Variants in PLPP3 observed in about 807,000 individuals in gnomAD.
The protein encoded by PLPP3 is phospholipid phosphatase 3.
PLPP3 carries 6 observed loss-of-function variants against 29.6 expected under a neutral mutation model. That is an observed-to-expected ratio of 0.20 (90% CI 0.11 to 0.40). The LOEUF is 0.40. Among genes scored for constraint, PLPP3 ranks in the 10% least tolerant of loss-of-function variants. The pLI is 1.00. For synonymous variants in PLPP3, 152 were observed against 159.7 expected (o/e 0.95, Z 0.36); for missense variants, 308 against 407.7 (o/e 0.76, Z 2.11).
At chr1:56,566,282 G>A (rs767334568) in intron 1 of PLPP3, among the ~76,000 whole-genome samples, 4 of 152,294 alleles carry the variant, frequency 2.6e-5, no homozygotes, top group Admixed American at 6.5e-5. Context: ...TCAGAAACAC[G>A]TGGAGAATAT....
chr1:56,578,807 C>A lies in PLPP3; in HGVS notation c.139+71G>T, dbSNP rs1039643782. 7 of 1,384,894 alleles carry A rather than the reference C, an allele frequency of 5.1e-6. No individual in the cohort carries two copies. In the African/African-American group the frequency reaches 1.1e-4, roughly 21 times the overall value. The allele number at this position is 1,384,894 out of a possible 1,614,324, so 85.8% of individuals were successfully genotyped here. A position where few individuals can be genotyped will look rare whatever the true frequency, so the allele number is the denominator to read the frequency against. ...CGGCGCGGCGCGGCGCTGCGCGGCC[C>A]CGGACTGGGCTGGGACGCGCGCCGA... On this transcript the variant is annotated intron_variant, in intron 1 of 5. Transcript: ENST00000371250.
chr1:56,571,489 C>T (rs1646198246), intron 1 of PLPP3, among the ~76,000 whole-genome samples: 1 of 152,156 alleles, frequency 6.6e-6, no homozygotes, highest in South Asian at 2.1e-4. Context: ...CTCAAAAAGG[C>T]CTATTTTTCT....
At chr1:56,502,738 C>T (rs1258267964) in intron 5 of PLPP3, among the ~76,000 whole-genome samples, 1 of 152,184 alleles carries the variant, frequency 6.6e-6, no homozygotes, top group Non-Finnish European at 1.5e-5. Flanking sequence ...GGCTTTGATA[C>T]GTGACGCTTT....
At chr1:56,563,271 C>T (rs947188299) in intron 1 of PLPP3, among the ~76,000 whole-genome samples, 1 of 152,192 alleles carries the variant, frequency 6.6e-6, no homozygotes, top group Non-Finnish European at 1.5e-5. Context: ...TATACACTTG[C>T]TTTCATGCTA....
At position 56,495,214 on chromosome 1, in the gene PLPP3, G is replaced by C. The variant is rs559380579; in HGVS notation, c.*1337C>G. The stretch of plus-strand genomic sequence containing the variant: ...CGGATTCTGTAGTAAGGATGTGCAT[G>C]TGGTTGATCCATATGGTTACATTTA... On this transcript the variant is annotated 3_prime_UTR_variant, in exon 6 of 6. Transcript: ENST00000371250. The C allele has an allele frequency of 6.5e-6, 1 of 152,700 alleles. No homozygotes were observed. Among genetic ancestry groups the C allele is most frequent in the East Asian group, 1.9e-4 (1 of 5,184 alleles). The allele number at this position is 152,700 out of a possible 1,614,324, so 9.5% of individuals were successfully genotyped here.
At chr1:56,503,774 A>T (rs1645683875) in intron 5 of PLPP3, among the ~76,000 whole-genome samples, 1 of 152,160 alleles carries the variant, frequency 6.6e-6, no homozygotes, top group African/African-American at 2.4e-5. Flanking sequence ...AGAACTACTC[A>T]TTCATTCATT....
intron 4 of PLPP3, among the ~76,000 whole-genome samples, chr1:56,514,143 G>A (rs1645765536): frequency 1.3e-5 from 2 of 152,128 alleles, no homozygotes; most frequent in South Asian, 4.2e-4. Flanking sequence ...TATAAATCCT[G>A]ACATATAGAG....
At chr1:56,503,118 A>C (rs1645679344) in intron 5 of PLPP3, among the ~76,000 whole-genome samples, 1 of 152,068 alleles carries the variant, frequency 6.6e-6, no homozygotes, top group Admixed American at 6.5e-5. Context: ...ATCCAACTGC[A>C]ATCATTATTT....
intron 2 of PLPP3, among the ~76,000 whole-genome samples, chr1:56,535,547 A>C (rs529179036): frequency 1.4e-4 from 22 of 152,308 alleles, no homozygotes; most frequent in African/African-American, 5.3e-4. Flanking sequence ...GAAGCATTGT[A>C]ATTAAAATAT....
rs373324656 is a variant in PLPP3, at chr1:56,500,368, G to A, written c.811-3692C>T. Among the ~76,000 whole-genome samples, 104 of 152,288 alleles carry A rather than the reference G, an allele frequency of 6.8e-4. No individual in the cohort carries two copies. The East Asian group carries it at 0.015, about 22-fold the overall frequency. On this transcript the variant is annotated intron_variant, in intron 5 of 5. Transcript: ENST00000371250. Reference sequence around the variant, plus strand: ...AATGTGGCATTTAACCCAGACTGAAGGGGAGTGGGAAGCAGGCCTTAGAAG... The same window carrying A: ...AATGTGGCATTTAACCCAGACTGAAAGGGAGTGGGAAGCAGGCCTTAGAAG...
intron 1 of PLPP3, among the ~76,000 whole-genome samples, chr1:56,539,488 CT>C: frequency 6.6e-6 from 1 of 152,290 alleles, no homozygotes; most frequent in South Asian, 2.1e-4. Context: ...TTTGTGACCC[CT>C]AACTGCTTCC....
rs189431641 is a variant in PLPP3, at chr1:56,546,258, G to A, written c.140-9146C>T. Among the ~76,000 whole-genome samples, 227 of 152,318 alleles carry A rather than the reference G, an allele frequency of 1.5e-3. 1 individual carries two copies. The highest frequency in any genetic ancestry group is 5.2e-3 in the African/African-American group (216 of 41,578). On this transcript the variant is annotated intron_variant, in intron 1 of 5. Coordinates refer to ENST00000371250, the MANE Select transcript of PLPP3 (RefSeq NM_003713.5). ...TATCTCCCTGACATGAAGGCTGTCT[G>A]TGGGTTGCCATTCTCATTGAGCTTG...
At chr1:56,568,346 A>C (rs563214272) in intron 1 of PLPP3, among the ~76,000 whole-genome samples, 34 of 152,242 alleles carry the variant, frequency 2.2e-4, no homozygotes, top group Non-Finnish European at 4.4e-4. Flanking sequence ...AGCTCTTTGA[A>C]TAAAATACCA....
chr1:56,537,057 C>A lies in PLPP3; in HGVS notation c.195G>T (p.Gly65=). 6.2e-7 allele frequency: 1 copy of A among 1,613,654 alleles called. No homozygotes were observed. Among genetic ancestry groups the A allele is most frequent in the South Asian group, 1.1e-5 (1 of 91,062 alleles). Residue 65 remains glycine, a synonymous_variant, in exon 2 of 6, where the codon GGG becomes GGT. Transcript: ENST00000371250. ...ETSTIKPYHR[G]FYCNDESIKY... ...TGATGCTCTCATCATTGCAGTAAAA[C>A]CCTCGGTGGTAAGGCTTGATGGTGC... is the stretch of plus-strand genomic sequence containing the variant.
Position 56,540,567 on chromosome 1 carries a change from G to A in PLPP3, c.140-3455C>T, listed in dbSNP as rs150107427. On this transcript the variant is annotated intron_variant, in intron 1 of 5. Coordinates refer to ENST00000371250, the MANE Select transcript of PLPP3 (RefSeq NM_003713.5). ...TGCCTATGGCTTGGGGAGGGTTTCC[G>A]GTTCTGATTATGTGGATGAAGACCA... Among the ~76,000 whole-genome samples, 72 of 152,174 alleles carry A rather than the reference G, an allele frequency of 4.7e-4. 1 individual carries two copies. In the East Asian group the frequency reaches 0.013, roughly 27 times the overall value.
intron 1 of PLPP3, among the ~76,000 whole-genome samples, chr1:56,555,138 C>G (rs1214223376): frequency 6.6e-6 from 1 of 152,030 alleles, no homozygotes; most frequent in Admixed American, 6.5e-5. Flanking sequence ...CTGCACAACT[C>G]CGAGGAACAC....
intron 1 of PLPP3, among the ~76,000 whole-genome samples, chr1:56,567,725 A>T (rs1646171000): frequency 6.6e-6 from 1 of 152,100 alleles, no homozygotes; most frequent in Non-Finnish European, 1.5e-5. Context: ...AAAATGATGC[A>T]GCCTCAACGG....
intron 1 of PLPP3, among the ~76,000 whole-genome samples, chr1:56,563,341 C>T (rs993085030): frequency 1.6e-4 from 24 of 152,210 alleles, no homozygotes; most frequent in Admixed American, 7.2e-4. Flanking sequence ...GGGAAATACA[C>T]GGAGCGTTTT....
At chr1:56,571,129 G>A (rs1356941206) in intron 1 of PLPP3, among the ~76,000 whole-genome samples, 3 of 152,220 alleles carry the variant, frequency 2.0e-5, no homozygotes, top group South Asian at 2.1e-4. Flanking sequence ...CAGAATGGTA[G>A]AAAGGCAAGA....
Sources: gnomAD v4.1 joint callset for allele counts (sites outside exome capture counted in the v4.1 genomes callset) on GRCh38, gnomAD v4.1.1 for gene constraint, MANE v1.5 for transcripts, NCBI Gene and HGNC (gene_info 2026-07-23, HGNC 2026-07-21) for gene names.